The following DMBT1 variants were observed in gnomAD, a reference collection of about 807,000 sequenced individuals.
DMBT1 encodes scavenger receptor cysteine-rich domain-containing protein DMBT1.
A neutral mutation model predicts 252.9 loss-of-function variants in DMBT1; 198 were observed. The ratio of observed to expected loss-of-function variants is 0.78; its 90% CI spans 0.70 to 0.88. The LOEUF (loss-of-function observed/expected upper bound fraction) is 0.88. DMBT1 is among the 40% of genes least tolerant of loss of function. The probability of loss-of-function intolerance (pLI) is 0.00; values close to 1 mark genes in which losing one functional copy is unlikely to be tolerated. For synonymous variants in DMBT1, 990 were observed against 942.7 expected (o/e 1.05, Z -0.92); for missense variants, 2,432 against 2,404.7 (o/e 1.01, Z -0.24).
intron 44 of DMBT1, among the ~76,000 whole-genome samples, chr10:122,623,173 C>T (rs965305519): frequency 2.0e-5 from 3 of 152,254 alleles, no homozygotes; most frequent in African/African-American, 7.2e-5. Context: ...CCTTTTCTGT[C>T]TGGCTTCATT....
intron 4 of DMBT1, 110 bp downstream of exon 4, chr10:122,571,047 C>T: frequency 1.5e-6 from 2 of 1,336,824 alleles, no homozygotes; most frequent in Non-Finnish European, 2.1e-6. Flanking sequence ...GTGCTGGTGT[C>T]ATGTTCTCAG....
At position 122,589,192 on chromosome 10, in the gene DMBT1, C is replaced by G. The variant is rs1270659248; in HGVS notation, c.2032C>G (p.Leu678Val). 1.9e-6 allele frequency: 3 copies of G among 1,588,332 alleles called. No individual in the cohort carries two copies. The highest frequency in any genetic ancestry group is 2.6e-6 in the Non-Finnish European group (3 of 1,165,734). ...DVRCSGHESY[L>V]WSCPNNGWLS... ...GCGCTGCTCAGGACATGAGTCCTACCTGTGGAGCTGCCCCAACAATGGCTG... is the reference window on the plus strand; with the variant it reads ...GCGCTGCTCAGGACATGAGTCCTACGTGTGGAGCTGCCCCAACAATGGCTG... The change falls in exon 17 of 56, where the codon CTG becomes GTG. Residue 678 changes from leucine to valine, a missense_variant. By Grantham distance (32) the Leu-to-Val change is conservative. Coordinates refer to ENST00000338354, the MANE Select transcript of DMBT1 (RefSeq NM_001377530.1).
At position 122,599,670 on chromosome 10, in the gene DMBT1, G is replaced by C. The variant is rs554473007; in HGVS notation, c.3281-394G>C. 4.7e-3 allele frequency among the ~76,000 whole-genome samples: 710 copies of C among 152,318 alleles called. 6 individuals are homozygous for C. Among genetic ancestry groups the C allele is most frequent in the Non-Finnish European group, 4.4e-3 (297 of 68,022 alleles). ...CTGTGCCCCAGGTCTGGTGTGGGGAGGGCAGCCCCCATGAGGCCGGCCAGG... is the reference window on the plus strand; with the variant it reads ...CTGTGCCCCAGGTCTGGTGTGGGGACGGCAGCCCCCATGAGGCCGGCCAGG... On this transcript the variant is annotated intron_variant, in intron 26 of 55. Coordinates refer to ENST00000338354, the MANE Select transcript of DMBT1 (RefSeq NM_001377530.1).
intron 4 of DMBT1, among the ~76,000 whole-genome samples, chr10:122,571,368 T>C (rs2097662126): frequency 6.6e-6 from 1 of 152,176 alleles, no homozygotes; most frequent in African/African-American, 2.4e-5. Flanking sequence ...ACCCCTGTCC[T>C]GGGGTGCCAA....
In DMBT1 at chr10:122,597,988, A is replaced by G. The variant is rs1014220333; in HGVS notation, c.2932A>G (p.Ile978Val). The change falls in exon 25 of 56, where the codon ATC becomes GTC. Residue 978 changes from isoleucine (I) to valine (V), a missense_variant. By Grantham distance (29) the Ile-to-Val change is conservative. Transcript: ENST00000338354. ...STPSPDTLPT[I>V]TLPASTVGSE... ...TGCAATTACAGACACATTGCCGACC[A>G]TCACCTTGCCTGCATCGACAGTAGG... 7.4e-6 allele frequency: 12 copies of G among 1,613,780 alleles called. No individual in the cohort carries two copies. Among genetic ancestry groups the G allele is most frequent in the Non-Finnish European group, 1.0e-5 (12 of 1,179,858 alleles).
chr10:122,598,254 C>T (rs2097903496), intron 25 of DMBT1, among the ~76,000 whole-genome samples: 1 of 152,082 alleles, frequency 6.6e-6, no homozygotes, highest in African/African-American at 2.4e-5. Context: ...CATCCTCATC[C>T]AGGTGCTGAG....
At chr10:122,568,975 G>A (rs1326761079) in intron 2 of DMBT1, among the ~76,000 whole-genome samples, 2 of 152,202 alleles carry the variant, frequency 1.3e-5, no homozygotes, top group East Asian at 3.9e-4. Context: ...ATAAGTATGT[G>A]TGCGTACATA....
Position 122,592,436 on chromosome 10 carries a change from T to A in DMBT1, c.2341T>A (p.Ser781Thr), listed in dbSNP as rs766503429. ...CRQLGCGWATSAPGNARFGQG... is the reference protein window; with the variant it reads ...CRQLGCGWATTAPGNARFGQG... Reference sequence around the variant, plus strand: ...GCAGCTGGGCTGTGGCTGGGCCACGTCGGCCCCAGGAAATGCCCGGTTTGG... The same window carrying A: ...GCAGCTGGGCTGTGGCTGGGCCACGACGGCCCCAGGAAATGCCCGGTTTGG... Residue 781 changes from serine (S) to threonine (T), a missense_variant, in exon 20 of 56, where the codon TCG (serine) becomes ACG (threonine). By Grantham distance (58) the Ser-to-Thr change is moderately conservative (BLOSUM62 1). Coordinates refer to ENST00000338354, the MANE Select transcript of DMBT1 (RefSeq NM_001377530.1). The A allele has an allele frequency of 1.9e-6, 3 of 1,588,334 alleles. No individual in the cohort carries two copies. In the South Asian group the frequency reaches 3.5e-5, roughly 18 times the overall value.
chr10:122,588,039 G>A (rs549448474), intron 16 of DMBT1, among the ~76,000 whole-genome samples: 29 of 148,662 alleles, frequency 2.0e-4, no homozygotes, highest in African/African-American at 7.0e-4. Flanking sequence ...TAGTTTTCAT[G>A]ATGCTTGCCC....
At chr10:122,636,785 T>G (rs2098230406) in intron 53 of DMBT1, among the ~76,000 whole-genome samples, 2 of 152,272 alleles carry the variant, frequency 1.3e-5, no homozygotes, top group East Asian at 3.8e-4. Flanking sequence ...CTAAAAGACC[T>G]TGTTTCATGA....
In DMBT1 at chr10:122,618,237, T is replaced by C. The variant is rs1297861849; in HGVS notation, c.5112T>C (p.Asp1704=). The C allele has an allele frequency of 6.2e-7, 1 of 1,613,782 alleles. No individual in the cohort carries two copies. Among genetic ancestry groups the C allele is most frequent in the Non-Finnish European group, 8.5e-7 (1 of 1,179,764 alleles). Residue 1704 remains aspartate (D), a synonymous_variant, in exon 41 of 56, where the codon GAT becomes GAC. Coordinates refer to ENST00000338354, the MANE Select transcript of DMBT1 (RefSeq NM_001377530.1). ...GQGSGPIVLD[D]VRCSGHESYL... Reference sequence around the variant, plus strand: ...GCTCAGGACCCATTGTCCTGGATGATGTGCGCTGCTCAGGACACGAGTCTT... The same window carrying C: ...GCTCAGGACCCATTGTCCTGGATGACGTGCGCTGCTCAGGACACGAGTCTT...
intron 19 of DMBT1, 131 bp downstream of exon 19, chr10:122,591,648 A>T: frequency 2.8e-6 from 3 of 1,069,328 alleles, no homozygotes; most frequent in Non-Finnish European, 4.1e-6. Context: ...GAGTGGGAGG[A>T]AGTTGAGTCT....
chr10:122,632,390 G>A (rs1322759110), intron 50 of DMBT1, among the ~76,000 whole-genome samples: 1 of 151,968 alleles, frequency 6.6e-6, no homozygotes, highest in African/African-American at 2.4e-5. Flanking sequence ...TTCTGGTGAT[G>A]ACCCCGCTCC....
chr10:122,600,451 G>T (rs544677999), intron 27 of DMBT1, among the ~76,000 whole-genome samples: 9 of 152,310 alleles, frequency 5.9e-5, no homozygotes, highest in African/African-American at 2.2e-4. Flanking sequence ...CCTCTGACCT[G>T]TTCAAGGCAT....
chr10:122,617,294 C>G (rs747010981), intron 40 of DMBT1, 34 bp downstream of exon 40: 2 of 1,602,506 alleles, frequency 1.2e-6, no homozygotes, highest in Non-Finnish European at 1.7e-6. Flanking sequence ...CTAGGGCTCA[C>G]TATCTCTGGA....
At position 122,642,972 on chromosome 10, in the gene DMBT1, C is replaced by G. The variant is rs982829610; in HGVS notation, c.7353-150C>G. ...TCTCTGCAGGCCCCTCAGTGAGTGT[C>G]TGATCCACACGTTCTGACAGAAGGA... is the stretch of plus-strand genomic sequence containing the variant. On this transcript the variant is annotated intron_variant, in intron 55 of 55. Transcript: ENST00000338354. 10 of 1,065,682 alleles carry G rather than the reference C, an allele frequency of 9.4e-6. No individual in the cohort carries two copies. The African/African-American group carries it at 1.6e-4, about 17-fold the overall frequency. The allele number at this position is 1,065,682 out of a possible 1,614,324, so 66.0% of individuals were successfully genotyped here.
At chr10:122,599,728 G>C (rs996643487) in intron 26 of DMBT1, among the ~76,000 whole-genome samples, 1 of 152,234 alleles carries the variant, frequency 6.6e-6, no homozygotes, top group Non-Finnish European at 1.5e-5. Context: ...ATCAGGGCTT[G>C]AGGACGGCAC....
At chr10:122,598,739 AG>A in intron 25 of DMBT1, 34 bp from the exon 26 acceptor site, 1 of 1,611,970 alleles carries the variant, frequency 6.2e-7, no homozygotes, top group Middle Eastern at 2.1e-4. Context: ...ACCTCATGAT[AG>A]GGATGGATGA....
At chr10:122,576,332 C>A in intron 6 of DMBT1, 67 bp from the exon 7 acceptor site, 3 of 1,576,932 alleles carry the variant, frequency 1.9e-6, no homozygotes, top group Non-Finnish European at 8.6e-7. Flanking sequence ...ACCCTGAATG[C>A]CCTGCAGGCC....
Sources: gnomAD v4.1 joint callset for allele counts (sites outside exome capture counted in the v4.1 genomes callset) on GRCh38, gnomAD v4.1.1 for gene constraint, MANE v1.5 for transcripts, NCBI Gene and HGNC (gene_info 2026-07-23, HGNC 2026-07-21) for gene names.